Variants in GRAMD1B observed in about 807,000 individuals in gnomAD.
GRAMD1B encodes the protein protein Aster-B.
Under a neutral mutation model 99.7 loss-of-function variants are expected in GRAMD1B, and 37 were observed. The observed-to-expected ratio is 0.37, with a 90% CI of 0.29 to 0.49. The LOEUF is 0.49. GRAMD1B is among the 20% of genes least tolerant of loss of function. The probability of loss-of-function intolerance (pLI) is 0.98; values close to 1 mark genes in which losing one functional copy is unlikely to be tolerated. For synonymous variants in GRAMD1B, 427 were observed against 387.6 expected, an observed-to-expected ratio of 1.10 and a Z score of -1.19; for missense variants, 888 against 1,009.2, an observed-to-expected ratio of 0.88 and a Z score of 1.63.
At chr11:123,391,183 C>T (rs527710561) in intron 1 of GRAMD1B, among the ~76,000 whole-genome samples, 2 of 152,294 alleles carry the variant, frequency 1.3e-5, no homozygotes, top group South Asian at 4.1e-4. Flanking sequence ...TGCCCTACTT[C>T]ATCTCAGCTG....
In GRAMD1B at chr11:123,454,615, TA is replaced by T. The variant is rs377323873; in HGVS notation, c.374+23453del. The T allele has an allele frequency of 1.4e-3, 218 of 152,348 alleles. 1 individual carries two copies. Among genetic ancestry groups the T allele is most frequent in the African/African-American group, 5.0e-3 (206 of 41,568 alleles). The allele number at this position is 152,348 out of a possible 1,614,324, so 9.4% of individuals were successfully genotyped here. The stretch of plus-strand genomic sequence containing the variant: ...ATCTTGCCTTGTGCTGAATTTCCTA[TA>T]AAATGGCTTCATGAAACTTTGATGT... On this transcript the variant is annotated intron_variant, in intron 1 of 19. Coordinates refer to ENST00000635736, the MANE Select transcript of GRAMD1B (RefSeq NM_001387025.1).
chr11:123,453,262 A>G (rs1024856879), intron 1 of GRAMD1B, among the ~76,000 whole-genome samples: 4 of 151,926 alleles, frequency 2.6e-5, no homozygotes, highest in African/African-American at 4.8e-5. Context: ...AAATATATGT[A>G]TATATCTAAT....
Position 123,622,668 on chromosome 11 carries a change from A to G in GRAMD1B, c.*73A>G. 2.9e-6 allele frequency: 1 copy of G among 349,428 alleles called. No individual in the cohort carries two copies. The highest frequency in any genetic ancestry group is 5.0e-6 in the Non-Finnish European group (1 of 198,164). 21.6% of individuals were successfully genotyped at this position (349,428 alleles called of 1,614,324 possible). ...ATAGACCATATAAATATATATATAT[A>G]AATATATATATATACAGAATATAAA... On this transcript the variant is annotated 3_prime_UTR_variant, in exon 20 of 20. Coordinates refer to ENST00000635736, the MANE Select transcript of GRAMD1B (RefSeq NM_001387025.1).
At chr11:123,575,398 G>T (rs1349498177) in intron 2 of GRAMD1B, among the ~76,000 whole-genome samples, 3 of 152,084 alleles carry the variant, frequency 2.0e-5, no homozygotes, top group Non-Finnish European at 2.9e-5. Flanking sequence ...GCCCGGGCTG[G>T]TCTCAAACTC....
rs1450018166 is a variant in GRAMD1B at position 123,625,717 on chromosome 11, T to TA, written c.*3124dup. 1 of 152,236 alleles carries TA rather than the reference T, an allele frequency of 6.6e-6. No individual in the cohort carries two copies. Among genetic ancestry groups the TA allele is most frequent in the African/African-American group, 2.4e-5 (1 of 41,420 alleles). 9.4% of individuals were successfully genotyped at this position (152,236 alleles called of 1,614,324 possible). The stretch of plus-strand genomic sequence containing the variant: ...GGAGGGAGTTGGGCTAGATCATCTT[T>TA]AAGGTAGGTTCTAGCTTTGACATCA... On this transcript the variant is annotated 3_prime_UTR_variant, in exon 20 of 20. Coordinates refer to ENST00000635736, the MANE Select transcript of GRAMD1B (RefSeq NM_001387025.1).
At chr11:123,407,560 G>C (rs542034063) in intron 1 of GRAMD1B, among the ~76,000 whole-genome samples, 5 of 152,302 alleles carry the variant, frequency 3.3e-5, no homozygotes, top group African/African-American at 9.6e-5. Context: ...CTGGCCACCA[G>C]AGGGCATTAG....
chr11:123,394,502 A>T (rs1947389003), intron 1 of GRAMD1B, among the ~76,000 whole-genome samples: 2 of 151,298 alleles, frequency 1.3e-5, no homozygotes, highest in Non-Finnish European at 2.9e-5. Flanking sequence ...TCATCTTGAA[A>T]CCTCCATAGT....
At chr11:123,484,333 A>G (rs1293797882) in intron 2 of GRAMD1B, among the ~76,000 whole-genome samples, 1 of 152,192 alleles carries the variant, frequency 6.6e-6, no homozygotes, top group Non-Finnish European at 1.5e-5. Flanking sequence ...TTCCCCAAGG[A>G]CATAGCTGCT....
At chr11:123,475,050 C>G (rs980231047) in intron 1 of GRAMD1B, among the ~76,000 whole-genome samples, 8 of 152,162 alleles carry the variant, frequency 5.3e-5, no homozygotes, top group Non-Finnish European at 1.0e-4. Context: ...AGCACCTACT[C>G]AGTAGAGGTT....
chr11:123,547,466 ACCT>A (rs1253334360), intron 2 of GRAMD1B, among the ~76,000 whole-genome samples: 24 of 152,210 alleles, frequency 1.6e-4, no homozygotes, highest in Admixed American at 3.3e-4. Flanking sequence ...CTAGGAACTC[ACCT>A]CCTATGCACT....
At chr11:123,410,956 C>T (rs1948027033) in intron 1 of GRAMD1B, among the ~76,000 whole-genome samples, 1 of 151,970 alleles carries the variant, frequency 6.6e-6, no homozygotes, top group African/African-American at 2.4e-5. Flanking sequence ...CCTTGTATAC[C>T]TCTGATAGCA....
chr11:123,582,780 C>T (rs767430989), intron 3 of GRAMD1B, among the ~76,000 whole-genome samples: 15 of 152,178 alleles, frequency 9.9e-5, no homozygotes, highest in African/African-American at 2.4e-5. Flanking sequence ...TGTGCGTAGT[C>T]GCTTCCTTCC....
At chr11:123,559,109 C>A (rs542120941) in intron 2 of GRAMD1B, among the ~76,000 whole-genome samples, 1 of 152,162 alleles carries the variant, frequency 6.6e-6, no homozygotes, top group Non-Finnish European at 1.5e-5. Context: ...AGGGTGGTCC[C>A]GGAATAGCAA....
chr11:123,452,682 T>C (rs1336577384), intron 1 of GRAMD1B, among the ~76,000 whole-genome samples: 2 of 152,174 alleles, frequency 1.3e-5, no homozygotes, highest in East Asian at 1.9e-4. Flanking sequence ...TGGAGTTGGA[T>C]AGACATTTTG....
In GRAMD1B at chr11:123,595,285, AT is replaced by A. The variant is rs11408764; in HGVS notation, c.873+461del. ...AAGGAAGAGAAAGATTAACTAGATG[AT>A]TTTTTTTTTTTTTAAACAGAGTTTC... On this transcript the variant is annotated intron_variant, in intron 6 of 19. Transcript: ENST00000635736. Among the ~76,000 whole-genome samples the A allele has an allele frequency of 8.0e-3, 1,179 of 146,540 alleles. 11 individuals are homozygous for A. The highest frequency in any genetic ancestry group is 0.012 in the Non-Finnish European group (797 of 66,648).
At chr11:123,554,246 T>C (rs558007366) in intron 2 of GRAMD1B, among the ~76,000 whole-genome samples, 79 of 152,296 alleles carry the variant, frequency 5.2e-4, no homozygotes, top group African/African-American at 1.9e-3. Context: ...CTTTGAATGC[T>C]TTTAACCATT....
At chr11:123,422,851 C>T (rs1426591236) in intron 1 of GRAMD1B, among the ~76,000 whole-genome samples, 1 of 152,182 alleles carries the variant, frequency 6.6e-6, no homozygotes, top group Admixed American at 6.5e-5. Context: ...GATCAGGATC[C>T]TTCTCCCTCG....
chr11:123,409,703 G>T (rs1565480693), intron 1 of GRAMD1B, among the ~76,000 whole-genome samples: 3 of 152,142 alleles, frequency 2.0e-5, no homozygotes, highest in African/African-American at 7.2e-5. Flanking sequence ...AGCCAGCATG[G>T]GTTCCTGCAA....
chr11:123,511,539 C>T (rs4936813), intron 2 of GRAMD1B, among the ~76,000 whole-genome samples: 2 of 151,990 alleles, frequency 1.3e-5, no homozygotes, highest in Non-Finnish European at 2.9e-5. Flanking sequence ...TAGATGGGGG[C>T]ATCTAAGGAG....
Sources: gnomAD v4.1 joint callset for allele counts (sites outside exome capture counted in the v4.1 genomes callset) on GRCh38, gnomAD v4.1.1 for gene constraint, MANE v1.5 for transcripts, NCBI Gene and HGNC (gene_info 2026-07-23, HGNC 2026-07-21) for gene names.